The following INPP5A variants were observed in gnomAD, a reference collection of about 807,000 sequenced individuals.
The protein encoded by INPP5A is 43 kDa inositol polyphosphate 5-phophatase.
A neutral mutation model predicts 65.2 loss-of-function variants in INPP5A; 14 were observed. The ratio of observed to expected loss-of-function variants is 0.21; its 90% CI spans 0.14 to 0.34. INPP5A has a LOEUF of 0.34. Ranked by LOEUF, INPP5A falls within the 10% of genes least tolerant of loss-of-function variation. INPP5A has a pLI of 1.00. For synonymous variants in INPP5A, 207 were observed against 208.3 expected (o/e 0.99, Z 0.05); for missense variants, 431 against 545.6 (o/e 0.79, Z 2.09).
chr10:132,751,286 C>T lies in INPP5A; in HGVS notation c.903+1441C>T, dbSNP rs1846471769. Among the ~76,000 whole-genome samples the T allele has an allele frequency of 2.0e-5, 3 of 152,374 alleles. No individual in the cohort carries two copies. In the South Asian group the frequency reaches 6.2e-4, roughly 32 times the overall value. On this transcript the variant is annotated intron_variant, in intron 11 of 15. Coordinates refer to ENST00000368594, the MANE Select transcript of INPP5A (RefSeq NM_005539.5). ...GCTGCAGGAGCCCATGGTCCTTTCC[C>T]CCACTGGGGTCGGGTCAGGCCTTGG...
At chr10:132,726,349 G>A (rs1767617508) in intron 8 of INPP5A, among the ~76,000 whole-genome samples, 1 of 152,216 alleles carries the variant, frequency 6.6e-6, no homozygotes, top group Admixed American at 6.5e-5. Flanking sequence ...ACCTGCACGC[G>A]CCTCCCCGTC....
intron 5 of INPP5A, 50 bp downstream of exon 5, chr10:132,690,505 C>G (rs758946278): frequency 1.4e-6 from 2 of 1,388,650 alleles, no homozygotes; most frequent in South Asian, 2.3e-5. Flanking sequence ...CTCACCCCTC[C>G]TGGTGTCTGG....
In INPP5A at chr10:132,663,189, T is replaced by C. The variant is rs2072758672; in HGVS notation, c.306+12684T>C. Reference sequence around the variant, plus strand: ...TCCATTTTATATACACATATGCGTATGTTATATAAAATTGAAAAGACTTTC... The same window carrying C: ...TCCATTTTATATACACATATGCGTACGTTATATAAAATTGAAAAGACTTTC... On this transcript the variant is annotated intron_variant, in intron 4 of 15. Transcript: ENST00000368594. The surrounding 1 kb of genome is among the most constrained non-coding windows in gnomAD (Gnocchi z 4.5). Among the ~76,000 whole-genome samples the C allele has an allele frequency of 6.6e-6, 1 of 152,228 alleles. No homozygotes were observed. Among genetic ancestry groups the C allele is most frequent in the African/African-American group, 2.4e-5 (1 of 41,460 alleles).
intron 9 of INPP5A, among the ~76,000 whole-genome samples, chr10:132,743,633 G>A (rs1846316792): frequency 6.6e-6 from 1 of 152,236 alleles, no homozygotes; most frequent in Non-Finnish European, 1.5e-5. Context: ...TTCAAGACTG[G>A]ACTCACTCCT....
Position 132,705,192 on chromosome 10 carries a change from G to A in INPP5A, c.475-3121G>A, listed in dbSNP as rs921126458. 3.9e-5 allele frequency among the ~76,000 whole-genome samples: 6 copies of A among 152,214 alleles called. No homozygotes were observed. The highest frequency in any genetic ancestry group is 1.4e-4 in the African/African-American group (6 of 41,454). On this transcript the variant is annotated intron_variant, in intron 6 of 15. Coordinates refer to ENST00000368594, the MANE Select transcript of INPP5A (RefSeq NM_005539.5). This position sits in a 1 kb window ranked among gnomAD's most constrained non-coding sequence, Gnocchi z 4.9. ...TTCCCACTGATGTGTTTCCATTGCA[G>A]ACACAGTTACCGACAGGAAATGAAC...
At chr10:132,560,379 G>A (rs2071187827) in intron 1 of INPP5A, among the ~76,000 whole-genome samples, 1 of 152,216 alleles carries the variant, frequency 6.6e-6, no homozygotes. Context: ...TTTCGTTCTT[G>A]TGAGCAGTGT....
chr10:132,738,274 A>G (rs961862691), intron 9 of INPP5A, among the ~76,000 whole-genome samples: 7 of 152,212 alleles, frequency 4.6e-5, no homozygotes, highest in Non-Finnish European at 1.0e-4. Context: ...GAGACCCCGG[A>G]CACTGTGTAG....
Position 132,777,655 on chromosome 10 carries a change from C to T in INPP5A, c.978-16C>T. 6.2e-7 allele frequency: 1 copy of T among 1,610,410 alleles called. No individual in the cohort carries two copies. Among genetic ancestry groups the T allele is most frequent in the Non-Finnish European group, 8.5e-7 (1 of 1,178,114 alleles). ...CCGAGCCGGCCGGCTGACCCTCTGC[C>T]TTCATGTCTCCCCAGCTACCCGTAC... On this transcript the variant is annotated splice_polypyrimidine_tract_variant and intron_variant, in intron 12 of 15. Transcript: ENST00000368594.
At chr10:132,749,333 C>T (rs916557772) in intron 9 of INPP5A, among the ~76,000 whole-genome samples, 184 bp from the exon 10 acceptor site, 5 of 149,570 alleles carry the variant, frequency 3.3e-5, no homozygotes. Context: ...GCCTCAGGCC[C>T]TTCGCACGTG....
intron 1 of INPP5A, among the ~76,000 whole-genome samples, chr10:132,591,886 G>C (rs1482853021): frequency 6.6e-6 from 1 of 152,200 alleles, no homozygotes; most frequent in Admixed American, 6.5e-5. Flanking sequence ...CGCCCTTGCT[G>C]TGTTTCCTTG....
intron 1 of INPP5A, among the ~76,000 whole-genome samples, chr10:132,568,287 A>G (rs145935349): frequency 5.9e-5 from 9 of 151,766 alleles, no homozygotes; most frequent in African/African-American, 9.7e-5. Context: ...AAGGGTTCCT[A>G]TGTGTTTCTC....
intron 2 of INPP5A, among the ~76,000 whole-genome samples, chr10:132,626,479 C>G (rs2072185362): frequency 6.6e-6 from 1 of 152,216 alleles, no homozygotes; most frequent in Admixed American, 6.5e-5. Flanking sequence ...CCATGTGTCT[C>G]TCACAGTTGG....
chr10:132,583,637 G>T (rs189936706), intron 1 of INPP5A, among the ~76,000 whole-genome samples: 1 of 152,128 alleles, frequency 6.6e-6, no homozygotes, highest in Non-Finnish European at 1.5e-5. Flanking sequence ...GAGGAATGTC[G>T]AATGTGCTCA....
Position 132,707,265 on chromosome 10 carries a change from G to A in INPP5A, c.475-1048G>A, listed in dbSNP as rs1463680675. Among the ~76,000 whole-genome samples the A allele has an allele frequency of 6.6e-6, 1 of 152,168 alleles. No homozygotes were observed. The highest frequency in any genetic ancestry group is 1.5e-5 in the Non-Finnish European group (1 of 68,034). ...GCAGCCCCTGTCCACCTCCGCCCCC[G>A]ATGGCGCCAGGCATATGGCTGCTGC... On this transcript the variant is annotated intron_variant, in intron 6 of 15. Coordinates refer to ENST00000368594, the MANE Select transcript of INPP5A (RefSeq NM_005539.5). The surrounding 1 kb of genome is among the most constrained non-coding windows in gnomAD (Gnocchi z 5.5).
chr10:132,715,515 G>A (rs1054407242), intron 8 of INPP5A, among the ~76,000 whole-genome samples: 1 of 152,228 alleles, frequency 6.6e-6, no homozygotes, highest in Non-Finnish European at 1.5e-5. Flanking sequence ...TAGTTTCCCA[G>A]GGAGAGGTGA....
chr10:132,751,254 G>A (rs1846471262), intron 11 of INPP5A, among the ~76,000 whole-genome samples: 1 of 152,214 alleles, frequency 6.6e-6, no homozygotes, highest in East Asian at 1.9e-4. Context: ...GCCCGTCCCT[G>A]TCACCTGCTG....
At chr10:132,756,378 GTGTA>G (rs1474553618) in intron 11 of INPP5A, among the ~76,000 whole-genome samples, 1 of 152,282 alleles carries the variant, frequency 6.6e-6, no homozygotes, top group South Asian at 2.1e-4. Flanking sequence ...ACTCGTGTGT[GTGTA>G]TGTGTGCGTG....
intron 1 of INPP5A, among the ~76,000 whole-genome samples, chr10:132,592,897 A>G (rs2814452): frequency 0.25 from 37,338 of 151,780 alleles, 5,434 homozygotes; most frequent in East Asian, 0.5. Context: ...TCCTTTGCTC[A>G]GGTCTCACGC....
At chr10:132,604,089 C>T (rs1341624599) in intron 1 of INPP5A, among the ~76,000 whole-genome samples, 1 of 146,114 alleles carries the variant, frequency 6.8e-6, no homozygotes, top group Non-Finnish European at 1.5e-5. Context: ...CCTCTCTGTC[C>T]CGCCCTGTGC....
Sources: allele counts gnomAD v4.1 joint callset (sites outside exome capture counted in the v4.1 genomes callset), GRCh38; gene constraint gnomAD v4.1.1; non-coding constraint Gnocchi (gnomAD v3.1); transcripts MANE v1.5; gene names NCBI Gene and HGNC (gene_info 2026-07-23, HGNC 2026-07-21).